STK4: variants seen among roughly 807,000 people sequenced by gnomAD.
STK4 encodes serine/threonine-protein kinase 4.
A neutral mutation model predicts 64.9 loss-of-function variants in STK4; 30 were observed. The ratio of observed to expected loss-of-function variants is 0.46; its 90% CI spans 0.35 to 0.63. The LOEUF is 0.63. Ranked by LOEUF, STK4 falls within the 20% of genes least tolerant of loss-of-function variation. STK4 has a pLI of 0.01. For missense variants in STK4, 466 were observed against 598.5 expected, an observed-to-expected ratio of 0.78 and a Z score of 2.31; for synonymous variants, 177 against 199.0, an observed-to-expected ratio of 0.89 and a Z score of 0.93.
chr20:45,070,532 G>A (rs1481613556), intron 10 of STK4, among the ~76,000 whole-genome samples: 1 of 152,148 alleles, frequency 6.6e-6, no homozygotes, highest in African/African-American at 2.4e-5. Flanking sequence ...TGGGGAGTAA[G>A]GAGACAAGAT....
chr20:45,017,540 T>C (rs545392433), intron 9 of STK4, among the ~76,000 whole-genome samples: 1 of 152,302 alleles, frequency 6.6e-6, no homozygotes, highest in East Asian at 1.9e-4. Flanking sequence ...GAAGCAGATG[T>C]GGGTGTTGAC....
At position 45,023,895 on chromosome 20, in the gene STK4, CTT is replaced by C. The variant is rs752584355; in HGVS notation, c.1148-1056_1148-1055del. On this transcript the variant is annotated intron_variant, in intron 9 of 10. Coordinates refer to ENST00000372806, the MANE Select transcript of STK4 (RefSeq NM_006282.5). ...TTTTATACCTGTTCAATACTAACTT[CTT>C]TTTTTTTTTTTTTTTTTTTTTGAGA... Among the ~76,000 whole-genome samples, 622 of 111,214 alleles carry C rather than the reference CTT, an allele frequency of 5.6e-3. 1 individual carries two copies. Among genetic ancestry groups the C allele is most frequent in the African/African-American group, 0.022 (585 of 26,742 alleles). 73.0% of individuals were successfully genotyped at this position (111,214 alleles called of 152,430 possible). A position where few individuals can be genotyped will look rare whatever the true frequency, so the allele number is the denominator to read the frequency against.
At chr20:45,020,499 T>C (rs1240615160) in intron 9 of STK4, among the ~76,000 whole-genome samples, 1 of 148,212 alleles carries the variant, frequency 6.7e-6, no homozygotes, top group Non-Finnish European at 1.5e-5. Flanking sequence ...TTTATGTTTA[T>C]GTGAGATAGA....
At chr20:45,008,837 T>C (rs1601256348) in intron 9 of STK4, among the ~76,000 whole-genome samples, 2 of 152,246 alleles carry the variant, frequency 1.3e-5, no homozygotes, top group East Asian at 3.8e-4. Flanking sequence ...ATGTCTTCTT[T>C]TGAGAAGTGT....
chr20:45,020,412 T>C (rs1219110579), intron 9 of STK4, among the ~76,000 whole-genome samples: 1 of 151,390 alleles, frequency 6.6e-6, no homozygotes, highest in African/African-American at 2.4e-5. Flanking sequence ...GAACTCTTTT[T>C]TCCAGATTTA....
intron 2 of STK4, chr20:44,972,640 T>G (rs2067268503): frequency 6.6e-6 from 1 of 152,640 alleles, no homozygotes; most frequent in Non-Finnish European, 1.5e-5. Context: ...AACACAGATT[T>G]GTTAATGCGT....
At chr20:44,968,011 T>C (rs1397292257) in intron 1 of STK4, among the ~76,000 whole-genome samples, 2 of 152,220 alleles carry the variant, frequency 1.3e-5, no homozygotes, top group Admixed American at 1.3e-4. Flanking sequence ...GTGGTAGATA[T>C]CCCTATATGT....
At chr20:45,053,185 A>C in intron 10 of STK4, 1 of 1,609,124 alleles carries the variant, frequency 6.2e-7, no homozygotes, top group East Asian at 2.2e-5. Context: ...CACATGGTAA[A>C]TGAATGTCAT....
chr20:45,030,563 AT>A (rs2068426321), intron 10 of STK4, among the ~76,000 whole-genome samples: 1 of 152,230 alleles, frequency 6.6e-6, no homozygotes, highest in Non-Finnish European at 1.5e-5. Context: ...GAGTAGCCGA[AT>A]TTTGTACTGA....
chr20:45,020,407 C>CT (rs1691230211), intron 9 of STK4, among the ~76,000 whole-genome samples: 1 of 151,300 alleles, frequency 6.6e-6, no homozygotes, highest in South Asian at 2.1e-4. Context: ...GAATAGAACT[C>CT]TTTTTTCCAG....
chr20:45,062,843 A>ATTTTTTTTTTT (rs35335969), intron 10 of STK4, among the ~76,000 whole-genome samples: 2 of 106,348 alleles, frequency 1.9e-5, no homozygotes, highest in African/African-American at 3.6e-5. Context: ...ACGCCCGGCT[A>ATTTTTTTTTTT]TTTTTTTTTT....
intron 9 of STK4, among the ~76,000 whole-genome samples, chr20:45,002,552 T>C (rs1410490717): frequency 6.6e-6 from 1 of 152,226 alleles, no homozygotes. Context: ...GATTACAGAT[T>C]TGACAGATTT....
chr20:45,005,858 AT>A (rs2067933586), intron 9 of STK4, among the ~76,000 whole-genome samples: 1 of 151,696 alleles, frequency 6.6e-6, no homozygotes, highest in Admixed American at 6.6e-5. Context: ...AAAAGTCTTA[AT>A]TTTTTTCTCT....
At chr20:44,991,661 CTT>C (rs906079731) in intron 5 of STK4, among the ~76,000 whole-genome samples, 1 of 146,684 alleles carries the variant, frequency 6.8e-6, no homozygotes, top group African/African-American at 2.5e-5. Flanking sequence ...GAATGTTGTA[CTT>C]TTTTTTTTTG....
Position 45,075,068 on chromosome 20 carries a change from C to T in STK4, c.1356C>T (p.Asp452=). ...EDLQKRLLAL[D]PMMEQEIEEI... ...TTCAGAAGAGGCTCTTGGCCCTGGACCCCATGATGGAGCAGGAGATTGAAG... is the reference window on the plus strand; with the variant it reads ...TTCAGAAGAGGCTCTTGGCCCTGGATCCCATGATGGAGCAGGAGATTGAAG... The change falls in exon 11 of 11, where the codon GAC becomes GAT. Residue 452 remains aspartate (D), a synonymous_variant. Transcript: ENST00000372806. 6.2e-7 allele frequency: 1 copy of T among 1,614,174 alleles called. No homozygotes were observed. The highest frequency in any genetic ancestry group is 1.3e-5 in the African/African-American group (1 of 75,034).
chr20:44,967,324 G>A (rs1427992657), intron 1 of STK4: 2 of 778,740 alleles, frequency 2.6e-6, no homozygotes, highest in East Asian at 2.5e-4. Context: ...GAGGTCCAGA[G>A]TAGTTGGGAA....
chr20:45,048,723 C>A (rs1433024087), intron 10 of STK4, among the ~76,000 whole-genome samples: 2 of 152,176 alleles, frequency 1.3e-5, no homozygotes, highest in Non-Finnish European at 2.9e-5. Flanking sequence ...CTCAGGTGAT[C>A]CATCCGCCTC....
rs113463433 is a variant in STK4 at position 44,991,657 on chromosome 20, T to C, written c.526-3433T>C. Among the ~76,000 whole-genome samples, 1,311 of 152,222 alleles carry C rather than the reference T, an allele frequency of 8.6e-3. 17 individuals carry two copies. The highest frequency in any genetic ancestry group is 0.03 in the African/African-American group (1,258 of 41,526). ...TGTGTCAGTTTTCCTAATTGAATGTTGTACTTTTTTTTTTTGTTTTTGGGA... is the reference window on the plus strand; with the variant it reads ...TGTGTCAGTTTTCCTAATTGAATGTCGTACTTTTTTTTTTTGTTTTTGGGA... On this transcript the variant is annotated intron_variant, in intron 5 of 10. Coordinates refer to ENST00000372806, the MANE Select transcript of STK4 (RefSeq NM_006282.5).
intron 1 of STK4, among the ~76,000 whole-genome samples, chr20:44,970,901 G>GTGTGTGTGTGTGTA (rs2067233087): frequency 6.6e-6 from 1 of 151,562 alleles, no homozygotes; most frequent in Non-Finnish European, 1.5e-5. Context: ...GTGTGTGTGT[G>GTGTGTGTGTGTGTA]TGTGTGTGTG....
Sources: allele counts gnomAD v4.1 joint callset (sites outside exome capture counted in the v4.1 genomes callset), GRCh38; gene constraint gnomAD v4.1.1; transcripts MANE v1.5; gene names NCBI Gene and HGNC (gene_info 2026-07-23, HGNC 2026-07-21).